Variants in PTPRT observed in about 807,000 individuals in gnomAD.
PTPRT encodes the protein receptor-type tyrosine-protein phosphatase T.
Under a neutral mutation model 176.8 loss-of-function variants are expected in PTPRT, and 56 were observed. The ratio of observed to expected loss-of-function variants is 0.32; its 90% CI spans 0.26 to 0.40. The LOEUF (loss-of-function observed/expected upper bound fraction) is 0.40. PTPRT is among the 10% of genes least tolerant of loss of function. The probability of loss-of-function intolerance (pLI) is 1.00; values close to 1 mark genes in which losing one functional copy is unlikely to be tolerated. For missense variants in PTPRT, 1,540 were observed against 1,908.2 expected, an observed-to-expected ratio of 0.81 and a Z score of 3.60; for synonymous variants, 783 against 739.0, an observed-to-expected ratio of 1.06 and a Z score of -0.96.
intron 1 of PTPRT, among the ~76,000 whole-genome samples, chr20:43,094,506 C>G (rs576907186): frequency 7.0e-6 from 1 of 143,054 alleles, no homozygotes; most frequent in South Asian, 2.3e-4. Context: ...TCAAGTGATT[C>G]TCCTGCCTCA....
intron 2 of PTPRT, among the ~76,000 whole-genome samples, chr20:42,814,710 T>C (rs777794480): frequency 6.6e-6 from 1 of 152,198 alleles, no homozygotes; most frequent in Non-Finnish European, 1.5e-5. Flanking sequence ...GTGGTTATAA[T>C]TGATGGCAAG....
chr20:42,476,795 A>G (rs751118033), intron 7 of PTPRT, among the ~76,000 whole-genome samples: 9 of 152,154 alleles, frequency 5.9e-5, no homozygotes, highest in Admixed American at 2.0e-4. Flanking sequence ...TGTCCTAAAA[A>G]CAACTCGACG....
At chr20:42,102,053 C>T in intron 26 of PTPRT, 71 bp downstream of exon 26, 1 of 1,546,848 alleles carries the variant, frequency 6.5e-7, no homozygotes, top group Non-Finnish European at 8.8e-7. Flanking sequence ...TGAGGTCCAG[C>T]CACCTCCACC....
At chr20:42,259,502 G>T (rs1234497971) in intron 13 of PTPRT, among the ~76,000 whole-genome samples, 1 of 152,172 alleles carries the variant, frequency 6.6e-6, no homozygotes, top group Non-Finnish European at 1.5e-5. Flanking sequence ...TTTCTGTTGT[G>T]CCAAGGAGGC....
At chr20:43,149,375 T>G (rs1169800855) in intron 1 of PTPRT, among the ~76,000 whole-genome samples, 1 of 152,206 alleles carries the variant, frequency 6.6e-6, no homozygotes, top group Non-Finnish European at 1.5e-5. Context: ...TTCTATTCAC[T>G]GGAGAAAAGC....
At chr20:43,083,480 C>T (rs1312281308) in intron 1 of PTPRT, among the ~76,000 whole-genome samples, 1 of 150,568 alleles carries the variant, frequency 6.6e-6, no homozygotes, top group Non-Finnish European at 1.5e-5. Flanking sequence ...CCTGCCTCAG[C>T]CTCCCAAGTA....
chr20:42,491,074 C>T (rs550473953), intron 7 of PTPRT, among the ~76,000 whole-genome samples: 99 of 152,144 alleles, frequency 6.5e-4, no homozygotes, highest in African/African-American at 2.4e-3. Context: ...TAGTGAATTG[C>T]ACGAACATTG....
chr20:42,188,635 G>C (rs1280771066), intron 16 of PTPRT, among the ~76,000 whole-genome samples: 1 of 152,100 alleles, frequency 6.6e-6, no homozygotes, highest in African/African-American at 2.4e-5. Flanking sequence ...GGGGAAATTG[G>C]TCTCTAAGCT....
At chr20:42,453,850 T>C (rs982543575) in intron 8 of PTPRT, among the ~76,000 whole-genome samples, 2 of 151,070 alleles carry the variant, frequency 1.3e-5, no homozygotes, top group Non-Finnish European at 2.9e-5. Flanking sequence ...TTTTTTTTTT[T>C]TTGAGACCCG....
At chr20:42,111,379 A>C (rs2146297042) in intron 22 of PTPRT, among the ~76,000 whole-genome samples, 1 of 152,298 alleles carries the variant, frequency 6.6e-6, no homozygotes, top group East Asian at 1.9e-4. Flanking sequence ...GCTAGGTACT[A>C]GGAAGGTGAG....
chr20:42,808,198 C>A (rs1009672976), intron 2 of PTPRT, among the ~76,000 whole-genome samples: 4 of 152,226 alleles, frequency 2.6e-5, no homozygotes, highest in Admixed American at 1.3e-4. Flanking sequence ...CCGCAGCCTG[C>A]TGCTCATCCC....
chr20:42,238,209 A>C (rs908254281), intron 14 of PTPRT, among the ~76,000 whole-genome samples: 1 of 152,228 alleles, frequency 6.6e-6, no homozygotes, highest in Non-Finnish European at 1.5e-5. Context: ...CCAGAGCTGC[A>C]TCACTCCTAA....
intron 9 of PTPRT, among the ~76,000 whole-genome samples, chr20:42,388,386 C>A (rs565914396): frequency 1.2e-4 from 19 of 152,100 alleles, no homozygotes; most frequent in African/African-American, 4.6e-4. Flanking sequence ...TCTGACAAAG[C>A]GCTAATATCC....
chr20:42,646,934 G>A (rs998860688), intron 7 of PTPRT, among the ~76,000 whole-genome samples: 16 of 118,566 alleles, frequency 1.3e-4, no homozygotes, highest in South Asian at 2.6e-4. Context: ...TTGCTCTGTC[G>A]CTCAGGCTGC....
chr20:42,686,738 C>T (rs184985743), intron 6 of PTPRT, among the ~76,000 whole-genome samples: 34 of 151,932 alleles, frequency 2.2e-4, no homozygotes, highest in South Asian at 8.3e-4. Context: ...GTGATCCATC[C>T]GCCTCAGTGT....
chr20:42,322,222 T>C (rs1320254545), intron 11 of PTPRT, among the ~76,000 whole-genome samples: 2 of 151,508 alleles, frequency 1.3e-5, no homozygotes, highest in African/African-American at 4.9e-5. Context: ...CCCCATCAAG[T>C]TACCAATGAC....
At chr20:42,092,030 A>G (rs947913820) in intron 27 of PTPRT, among the ~76,000 whole-genome samples, 1 of 152,200 alleles carries the variant, frequency 6.6e-6, no homozygotes, top group Non-Finnish European at 1.5e-5. Flanking sequence ...AGACGTACTA[A>G]GGAGATGGCT....
chr20:42,558,708 T>A (rs922649215), intron 7 of PTPRT, among the ~76,000 whole-genome samples: 1 of 152,086 alleles, frequency 6.6e-6, no homozygotes, highest in African/African-American at 2.4e-5. Context: ...GATTTTCCGA[T>A]TCCCATCAGT....
intron 9 of PTPRT, among the ~76,000 whole-genome samples, chr20:42,443,025 C>A (rs573113369): frequency 6.6e-6 from 1 of 152,274 alleles, no homozygotes; most frequent in African/African-American, 2.4e-5. Flanking sequence ...AACCCAAAAG[C>A]AGGGTTCTGG....
Sources: gnomAD v4.1 joint callset for allele counts (sites outside exome capture counted in the v4.1 genomes callset) on GRCh38, gnomAD v4.1.1 for gene constraint, MANE v1.5 for transcripts, NCBI Gene and HGNC (gene_info 2026-07-23, HGNC 2026-07-21) for gene names.